MAPK10: variants seen among roughly 807,000 people sequenced by gnomAD.
MAPK10 encodes the protein JNK3 alpha protein kinase.
MAPK10 carries 25 observed loss-of-function variants against 59.3 expected under a neutral mutation model. The ratio of observed to expected loss-of-function variants is 0.42; its 90% CI spans 0.31 to 0.59. The LOEUF (loss-of-function observed/expected upper bound fraction) is 0.59, where lower values mean the gene tolerates loss of function less well. Among genes scored for constraint, MAPK10 ranks in the 20% least tolerant of loss-of-function variants. MAPK10 has a pLI of 0.15. For missense variants in MAPK10, 351 were observed against 568.9 expected (o/e 0.62, Z 3.90); for synonymous variants, 190 against 200.5 (o/e 0.95, Z 0.44).
chr4:86,372,594 A>AAAAGAAAAGC (rs1315879759), intron 1 of MAPK10, among the ~76,000 whole-genome samples: 1 of 151,656 alleles, frequency 6.6e-6, no homozygotes, highest in African/African-American at 2.4e-5. Flanking sequence ...AAAAGAAAAG[A>AAAAGAAAAGC]AAAGGAAAGA....
intron 1 of MAPK10, among the ~76,000 whole-genome samples, chr4:86,520,843 G>A (rs1484463853): frequency 1.3e-5 from 2 of 152,142 alleles, no homozygotes; most frequent in African/African-American, 4.8e-5. Flanking sequence ...CTAGGGATGG[G>A]GTTTCCTGAC....
chr4:86,137,397 A>G (rs2062477398), intron 4 of MAPK10, among the ~76,000 whole-genome samples: 2 of 142,060 alleles, frequency 1.4e-5, no homozygotes, highest in Non-Finnish European at 3.0e-5. Flanking sequence ...AAACCACTCA[A>G]CTACATGGAA....
Position 86,074,171 on chromosome 4 carries a change from T to A in MAPK10, c.803-6216A>T, listed in dbSNP as rs1425874210. Among the ~76,000 whole-genome samples, 5 of 117,370 alleles carry A rather than the reference T, an allele frequency of 4.3e-5. 1 individual carries two copies. The highest frequency in any genetic ancestry group is 1.9e-4 in the African/African-American group (5 of 26,990). 77.0% of individuals were successfully genotyped at this position (117,370 alleles called of 152,430 possible). On this transcript the variant is annotated intron_variant, in intron 9 of 13. Transcript: ENST00000641462. ...TAATGACCTTCTTTGTCTCTTTTGATCTTTGTTGGCTTAAAGTCTGTTTTA... is the reference window on the plus strand; with the variant it reads ...TAATGACCTTCTTTGTCTCTTTTGAACTTTGTTGGCTTAAAGTCTGTTTTA...
intron 2 of MAPK10, among the ~76,000 whole-genome samples, chr4:86,230,219 A>T (rs749300918): frequency 1.1e-4 from 16 of 152,256 alleles, no homozygotes; most frequent in Non-Finnish European, 1.9e-4. Flanking sequence ...GATTAAAAAA[A>T]TATTTCTCAT....
chr4:86,414,419 C>T (rs557903420), intron 1 of MAPK10, among the ~76,000 whole-genome samples: 6 of 152,198 alleles, frequency 3.9e-5, no homozygotes, highest in East Asian at 1.9e-4. Context: ...TCAGGCCTTA[C>T]GCTAGAAATT....
intron 2 of MAPK10, among the ~76,000 whole-genome samples, chr4:86,261,720 A>G (rs2093990575): frequency 6.6e-6 from 1 of 152,250 alleles, no homozygotes; most frequent in Non-Finnish European, 1.5e-5. Context: ...TGCCTTTTTC[A>G]GAGACCACAG....
chr4:86,403,192 A>C (rs56054148), intron 1 of MAPK10, among the ~76,000 whole-genome samples: 26,762 of 152,072 alleles, frequency 0.18, 2,481 homozygotes, highest in South Asian at 0.28. Flanking sequence ...TAAGACTTAG[A>C]GCCTGTATTA....
intron 1 of MAPK10, among the ~76,000 whole-genome samples, chr4:86,380,871 A>AAAC (rs1459897752): frequency 1.9e-4 from 29 of 151,722 alleles, no homozygotes; most frequent in Non-Finnish European, 3.4e-4. Flanking sequence ...AAAAAAAAAA[A>AAAC]AAAACACTGG....
rs188277417 is a variant in MAPK10, at chr4:86,033,360, C to A, written c.1111-1929G>T. Among the ~76,000 whole-genome samples the A allele has an allele frequency of 9.2e-4, 140 of 152,302 alleles. 1 individual carries two copies. In the East Asian group the frequency reaches 0.019, roughly 21 times the overall value. On this transcript the variant is annotated intron_variant, in intron 11 of 13. Coordinates refer to ENST00000641462, the MANE Select transcript of MAPK10 (RefSeq NM_138982.4). The stretch of plus-strand genomic sequence containing the variant: ...CACAGTGTACATAAGCTCTCAGAGC[C>A]CCCAGAGCCCTCTGAGCTGTTGGCA...
chr4:86,556,326 C>T (rs1271177039), intron 1 of MAPK10, among the ~76,000 whole-genome samples: 4 of 152,168 alleles, frequency 2.6e-5, no homozygotes, highest in Admixed American at 6.5e-5. Context: ...TCCTCCTTCA[C>T]AGGTAAAACA....
intron 1 of MAPK10, among the ~76,000 whole-genome samples, chr4:86,551,249 C>T (rs777682073): frequency 6.6e-6 from 1 of 152,090 alleles, no homozygotes; most frequent in African/African-American, 2.4e-5. Context: ...GTGTGTTTTC[C>T]ACTATTTAAT....
intron 11 of MAPK10, among the ~76,000 whole-genome samples, chr4:86,035,414 T>C (rs987304649): frequency 7.9e-6 from 1 of 126,296 alleles, no homozygotes; most frequent in Non-Finnish European, 1.7e-5. Context: ...GGTATCATGA[T>C]ACGGAAGAAA....
At chr4:86,233,974 G>T (rs1363584333) in intron 2 of MAPK10, among the ~76,000 whole-genome samples, 1 of 152,150 alleles carries the variant, frequency 6.6e-6, no homozygotes. Context: ...AAGGATTATT[G>T]CCAAAGGCCT....
intron 4 of MAPK10, among the ~76,000 whole-genome samples, chr4:86,118,914 T>C (rs893333113): frequency 1.3e-5 from 2 of 152,190 alleles, no homozygotes; most frequent in African/African-American, 4.8e-5. Flanking sequence ...TGCCTTAGGA[T>C]TCTGCAATTG....
chr4:86,144,357 A>G (rs1271985429), intron 4 of MAPK10, among the ~76,000 whole-genome samples: 1 of 152,190 alleles, frequency 6.6e-6, no homozygotes, highest in Non-Finnish European at 1.5e-5. Flanking sequence ...AATAATACCT[A>G]CATCATAGAG....
intron 2 of MAPK10, among the ~76,000 whole-genome samples, chr4:86,280,344 GA>G (rs2094749851): frequency 6.6e-6 from 1 of 151,866 alleles, no homozygotes; most frequent in Admixed American, 6.6e-5. Context: ...ACAAACATAA[GA>G]AAAAAATGCT....
chr4:86,594,036 G>C (rs1763335198), exon 1 of MAPK10: 1 of 152,292 alleles, frequency 6.6e-6, no homozygotes, highest in Non-Finnish European at 1.5e-5. Context: ...GCAGGCGCTA[G>C]GAACTCTGCC....
At chr4:86,216,375 G>A (rs962184958) in intron 2 of MAPK10, among the ~76,000 whole-genome samples, 4 of 150,012 alleles carry the variant, frequency 2.7e-5, no homozygotes, top group Non-Finnish European at 5.9e-5. Flanking sequence ...AGGAAATTCC[G>A]ACATGCTACT....
intron 13 of MAPK10, among the ~76,000 whole-genome samples, chr4:86,018,001 G>A (rs1218771197): frequency 2.6e-5 from 4 of 152,180 alleles, no homozygotes; most frequent in Admixed American, 6.5e-5. Context: ...GATTACAGGC[G>A]TGAGCCACCA....
Sources: allele counts gnomAD v4.1 joint callset (sites outside exome capture counted in the v4.1 genomes callset), GRCh38; gene constraint gnomAD v4.1.1; transcripts MANE v1.5; gene names NCBI Gene and HGNC (gene_info 2026-07-23, HGNC 2026-07-21).